USP8: variants seen among roughly 807,000 people sequenced by gnomAD.
USP8 encodes the protein ubiquitin specific peptidase 8, also known as ubiquitin carboxyl-terminal hydrolase 8.
USP8 carries 27 observed loss-of-function variants against 130.0 expected under a neutral mutation model. The observed-to-expected ratio is 0.21, with a 90% CI of 0.15 to 0.29. The LOEUF is 0.29. Among genes scored for constraint, USP8 ranks in the 10% least tolerant of loss-of-function variants. The pLI, the probability that USP8 is intolerant of heterozygous loss-of-function variation, is 1.00. For synonymous variants in USP8, 392 were observed against 444.1 expected (o/e 0.88, Z 1.48); for missense variants, 1,029 against 1,312.2 (o/e 0.78, Z 3.33).
chr15:50,471,500 C>T (rs2051374880), intron 7 of USP8, 133 bp from the exon 8 acceptor site: 3 of 860,868 alleles, frequency 3.5e-6, no homozygotes, highest in Non-Finnish European at 5.2e-6. Context: ...TATATAACCT[C>T]ACCTTAGAAA....
rs1261023703 is a variant in USP8 at position 50,506,826 on chromosome 15, CA to C, written c.*7739del. ...ACAAAAAATTAGCCGGGCATGGTGG[CA>C]GGCGCCTATAGTCCCAGCTACTCCG... On this transcript the variant is annotated 3_prime_UTR_variant, in exon 20 of 20. Coordinates refer to ENST00000307179, the MANE Select transcript of USP8 (RefSeq NM_005154.5). 1.7e-4 allele frequency: 26 copies of C among 151,938 alleles called. No individual in the cohort carries two copies. The highest frequency in any genetic ancestry group is 3.1e-4 in the Non-Finnish European group (21 of 68,162). 9.4% of individuals were successfully genotyped at this position (151,938 alleles called of 1,614,324 possible).
rs1247420751 is a variant in USP8, at chr15:50,439,186, T to G, written c.104+9T>G. The G allele has an allele frequency of 7.1e-7, 1 of 1,412,594 alleles. No individual in the cohort carries two copies. Among genetic ancestry groups the G allele is most frequent in the Non-Finnish European group, 9.5e-7 (1 of 1,057,880 alleles). 87.5% of individuals were successfully genotyped at this position (1,412,594 alleles called of 1,614,324 possible). ...AAAATAAGCACTAAGAGGTATGATGTATCCTTCGCTAGTTTGATTGAATCA... is the reference window on the plus strand; with the variant it reads ...AAAATAAGCACTAAGAGGTATGATGGATCCTTCGCTAGTTTGATTGAATCA... On this transcript the variant is annotated intron_variant, in intron 2 of 19. Coordinates refer to ENST00000307179, the MANE Select transcript of USP8 (RefSeq NM_005154.5).
Position 50,477,058 on chromosome 15 carries a change from G to A in USP8, c.994+65G>A, listed in dbSNP as rs1470553146. On this transcript the variant is annotated intron_variant, in intron 9 of 19. Coordinates refer to ENST00000307179, the MANE Select transcript of USP8 (RefSeq NM_005154.5). The stretch of plus-strand genomic sequence containing the variant: ...AAATATGGTTTAAAATTGTTTTCCC[G>A]GTAACATTCTTGGTTGTGTGTGTAT... 37 of 1,568,750 alleles carry A rather than the reference G, an allele frequency of 2.4e-5. No individual in the cohort carries two copies. In the East Asian group the frequency reaches 4.5e-4, roughly 19 times the overall value.
At chr15:50,482,776 A>T (rs901118238) in intron 11 of USP8, among the ~76,000 whole-genome samples, 1 of 152,188 alleles carries the variant, frequency 6.6e-6, no homozygotes, top group African/African-American at 2.4e-5. Flanking sequence ...CTTTTTACAT[A>T]TGTATAAATG....
rs1196856326 is a variant in USP8 at position 50,477,334 on chromosome 15, G to A, written c.1053G>A (p.Thr351=). The change falls in exon 10 of 20, where the codon ACG becomes ACA. Residue 351 remains threonine, a synonymous_variant. Coordinates refer to ENST00000307179, the MANE Select transcript of USP8 (RefSeq NM_005154.5). The stretch of plus-strand genomic sequence containing the variant: ...TTCCTTCTAAACCTGCTGCCCAGAC[G>A]CCACCTGCATCTATAGAAGTAGATG... ...ESIPSKPAAQ[T]PPASIEVDEN... 3.1e-6 allele frequency: 5 copies of A among 1,614,004 alleles called. No homozygotes were observed. Among genetic ancestry groups the A allele is most frequent in the Middle Eastern group, 1.6e-4 (1 of 6,062 alleles).
intron 9 of USP8, 69 bp from the exon 10 acceptor site, chr15:50,477,207 C>A: frequency 7.2e-7 from 1 of 1,396,618 alleles, no homozygotes; most frequent in Non-Finnish European, 9.8e-7. Flanking sequence ...CATTAACACG[C>A]ATGAGAAATG....
intron 8 of USP8, among the ~76,000 whole-genome samples, chr15:50,475,121 C>T (rs999326542): frequency 6.6e-5 from 10 of 151,994 alleles, no homozygotes; most frequent in Admixed American, 4.6e-4. Flanking sequence ...AAAGAAAAGA[C>T]ATTTAACTAT....
chr15:50,481,884 C>T lies in USP8; in HGVS notation c.1622C>T (p.Ser541Leu). 2 of 1,569,812 alleles carry T rather than the reference C, an allele frequency of 1.3e-6. No homozygotes were observed. Among genetic ancestry groups the T allele is most frequent in the Non-Finnish European group, 1.7e-6 (2 of 1,162,644 alleles). Residue 541 changes from serine (S) to leucine (L), a missense_variant, in exon 11 of 20, where the codon TCA becomes TTA. By Grantham distance (145) the Ser-to-Leu change is moderately radical. This residue lies in a region of USP8 where 486 missense variants were observed against 522.0 expected (regional missense o/e 0.93). Transcript: ENST00000307179. ...GCCAAGAAAGAAGATAAAGAAACCT[C>T]AGCAAAGAGGGGCAAAGAAATAACA... ...EQAKKEDKETSAKRGKEITGV... is the reference protein window; with the variant it reads ...EQAKKEDKETLAKRGKEITGV...
At chr15:50,488,471 A>G (rs1357280226) in intron 12 of USP8, among the ~76,000 whole-genome samples, 1 of 148,430 alleles carries the variant, frequency 6.7e-6, no homozygotes, top group East Asian at 2.0e-4. Flanking sequence ...TCAAGCCTTG[A>G]CCACTTGCCT....
At chr15:50,492,546 T>G (rs1306562579) in intron 14 of USP8, among the ~76,000 whole-genome samples, 155 bp from the exon 15 acceptor site, 3 of 152,208 alleles carry the variant, frequency 2.0e-5, no homozygotes, top group Non-Finnish European at 4.4e-5. Flanking sequence ...AAATATTAAA[T>G]GTCCTGGAAG....
chr15:50,462,712 T>C (rs1298946209), intron 6 of USP8, among the ~76,000 whole-genome samples: 1 of 152,172 alleles, frequency 6.6e-6, no homozygotes, highest in East Asian at 1.9e-4. Context: ...GTTTTCAGAA[T>C]GTTGCTTAAA....
intron 10 of USP8, among the ~76,000 whole-genome samples, chr15:50,481,149 T>C (rs1024048082): frequency 6.6e-6 from 1 of 152,188 alleles, no homozygotes; most frequent in Non-Finnish European, 1.5e-5. Flanking sequence ...GGTAGGCATT[T>C]GGATACCTGG....
At chr15:50,453,319 A>AT (rs1277840496) in intron 4 of USP8, among the ~76,000 whole-genome samples, 6 of 152,112 alleles carry the variant, frequency 3.9e-5, no homozygotes, top group African/African-American at 1.4e-4. Flanking sequence ...TAACACACTG[A>AT]TTTTCATAAA....
chr15:50,441,592 A>T, intron 3 of USP8, 99 bp downstream of exon 3: 1 of 1,000,210 alleles, frequency 1.0e-6, no homozygotes, highest in Non-Finnish European at 1.4e-6. Flanking sequence ...AATGTAGCTC[A>T]AATTATATGC....
At chr15:50,492,961 T>G (rs371468006) in intron 15 of USP8, 48 bp downstream of exon 15, 68 of 1,520,332 alleles carry the variant, frequency 4.5e-5, no homozygotes, top group Admixed American at 1.0e-4. Context: ...AAGGATGATC[T>G]AACCATATTT....
rs2050892509 is a variant in USP8, at chr15:50,459,115, A to G, written c.451A>G (p.Lys151Glu). The change falls in exon 5 of 20, where the codon AAA becomes GAA. Residue 151 changes from lysine to glutamate, a missense_variant. Around this residue, in one of 4 missense-constraint regions of USP8, gnomAD observed 281 missense variants for 336.7 expected, o/e 0.83. Coordinates refer to ENST00000307179, the MANE Select transcript of USP8 (RefSeq NM_005154.5). The part of the protein sequence containing the change: ...TGREDGGTLA[K>E]GSLENVLDSK... ...AAGAGAGGATGGTGGCACATTGGCTAAAGGCTCTTTGGAGAATGTTTTGGA... is the reference window on the plus strand; with the variant it reads ...AAGAGAGGATGGTGGCACATTGGCTGAAGGCTCTTTGGAGAATGTTTTGGA... The G allele has an allele frequency of 6.2e-7, 1 of 1,613,942 alleles. No homozygotes were observed. The highest frequency in any genetic ancestry group is 8.5e-7 in the Non-Finnish European group (1 of 1,180,020).
chr15:50,437,439 A>G (rs569808164), intron 1 of USP8, among the ~76,000 whole-genome samples: 1 of 152,322 alleles, frequency 6.6e-6, no homozygotes, highest in South Asian at 2.1e-4. Flanking sequence ...ATCGTATTAC[A>G]CATATTCTTG....
intron 4 of USP8, among the ~76,000 whole-genome samples, chr15:50,451,696 G>A (rs1279561672): frequency 6.6e-6 from 1 of 152,122 alleles, no homozygotes; most frequent in East Asian, 1.9e-4. Flanking sequence ...GTCTTTCATG[G>A]ACATTTAGAG....
rs1393060957 is a variant in USP8 at position 50,506,087 on chromosome 15, G to GT, written c.*7005dup. The GT allele has an allele frequency of 2.0e-5, 3 of 152,156 alleles. No individual in the cohort carries two copies. The highest frequency in any genetic ancestry group is 4.4e-5 in the Non-Finnish European group (3 of 68,032). 9.4% of individuals were successfully genotyped at this position (152,156 alleles called of 1,614,324 possible). A position where few individuals can be genotyped will look rare whatever the true frequency, so the allele number is the denominator to read the frequency against. ...TTAGGCTTTAAGTATGAAAGCTGTC[G>GT]TTTTTTAGCATAATTACTAAAGAAT... On this transcript the variant is annotated 3_prime_UTR_variant, in exon 20 of 20. Coordinates refer to ENST00000307179, the MANE Select transcript of USP8 (RefSeq NM_005154.5).
Sources: allele counts gnomAD v4.1 joint callset (sites outside exome capture counted in the v4.1 genomes callset), GRCh38; gene constraint gnomAD v4.1.1; regional missense constraint gnomAD v4.1.1; transcripts MANE v1.5; gene names NCBI Gene and HGNC (gene_info 2026-07-23, HGNC 2026-07-21).